Variants in NAA60 observed in about 807,000 individuals in gnomAD.
NAA60 encodes N-alpha-acetyltransferase 60, NatF catalytic subunit.
In NAA60, 8 loss-of-function variants were observed where a neutral mutation model predicts 26.1. The ratio of observed to expected loss-of-function variants is 0.31; its 90% CI spans 0.18 to 0.55. The LOEUF (loss-of-function observed/expected upper bound fraction) is 0.55. Among genes scored for constraint, NAA60 ranks in the 20% least tolerant of loss-of-function variants. The pLI is 0.93. For missense variants in NAA60, 290 were observed against 311.3 expected (o/e 0.93, Z 0.51); for synonymous variants, 131 against 122.5 (o/e 1.07, Z -0.46).
chr16:3,444,004 A>T, intron 1 of NAA60, 167 bp downstream of exon 1: 1 of 1,311,252 alleles, frequency 7.6e-7, no homozygotes, highest in Non-Finnish European at 9.9e-7. Flanking sequence ...GTACGTTCAC[A>T]ACGTTCACAT....
chr16:3,457,651 T>C (rs1299254597), intron 2 of NAA60, among the ~76,000 whole-genome samples: 1 of 152,200 alleles, frequency 6.6e-6, no homozygotes. Flanking sequence ...CTTTCAGTTG[T>C]TGGCCAGCCC....
chr16:3,475,143 G>A (rs1204592802), intron 2 of NAA60, among the ~76,000 whole-genome samples: 2 of 148,086 alleles, frequency 1.4e-5, no homozygotes, highest in African/African-American at 5.0e-5. Flanking sequence ...AGGCTGGAGT[G>A]CAGTGGCGCA....
chr16:3,484,091 T>G (rs1435240104), intron 6 of NAA60, among the ~76,000 whole-genome samples: 2 of 152,234 alleles, frequency 1.3e-5, no homozygotes, highest in Non-Finnish European at 2.9e-5. Context: ...TTCTTCCTCC[T>G]TAACTTTCAC....
intron 2 of NAA60, among the ~76,000 whole-genome samples, chr16:3,461,189 T>C (rs915505540): frequency 1.3e-5 from 2 of 152,194 alleles, no homozygotes; most frequent in African/African-American, 4.8e-5. Context: ...CAAACGGGCA[T>C]ATAATAGGAT....
In NAA60 at chr16:3,473,545, A is replaced by G. The variant is rs564494419; in HGVS notation, c.-6-2677A>G. On this transcript the variant is annotated intron_variant, in intron 2 of 7. Transcript: ENST00000407558. ...ACATGTGGGAATTTTGGGAGCTACA[A>G]TTCAAGATGAGATTTGGGGAGGGAC... Among the ~76,000 whole-genome samples, 4 of 152,262 alleles carry G rather than the reference A, an allele frequency of 2.6e-5. No homozygotes were observed. The South Asian group carries it at 6.2e-4, about 24-fold the overall frequency.
At chr16:3,456,498 G>C (rs1308624323) in intron 2 of NAA60, among the ~76,000 whole-genome samples, 2 of 151,482 alleles carry the variant, frequency 1.3e-5, no homozygotes, top group Non-Finnish European at 2.9e-5. Context: ...CTCAATTTTT[G>C]AAAGAATAAT....
intron 6 of NAA60, 151 bp from the exon 7 acceptor site, chr16:3,484,548 C>A (rs997299036): frequency 2.0e-6 from 2 of 1,023,558 alleles, no homozygotes; most frequent in Admixed American, 2.5e-5. Flanking sequence ...ATGAGCCTTT[C>A]CAGCTCTGCA....
At chr16:3,469,498 CTT>C (rs2035986877) in intron 2 of NAA60, among the ~76,000 whole-genome samples, 1 of 144,776 alleles carries the variant, frequency 6.9e-6, no homozygotes, top group African/African-American at 2.5e-5. Flanking sequence ...CTGTCTCTGA[CTT>C]TGCCTTGCTG....
At chr16:3,476,049 A>T in intron 2 of NAA60, 173 bp from the exon 3 acceptor site, 1 of 577,706 alleles carries the variant, frequency 1.7e-6, no homozygotes, top group Non-Finnish European at 3.1e-6. Flanking sequence ...GATGGGGGCG[A>T]CTGCAGCGCC....
intron 2 of NAA60, among the ~76,000 whole-genome samples, chr16:3,461,867 C>G (rs925006726): frequency 6.6e-6 from 1 of 152,040 alleles, no homozygotes; most frequent in Non-Finnish European, 1.5e-5. Flanking sequence ...GTGGGCAGAT[C>G]GCTTGAGCTC....
chr16:3,466,344 C>A (rs1317185305), intron 2 of NAA60, among the ~76,000 whole-genome samples: 1 of 152,198 alleles, frequency 6.6e-6, no homozygotes, highest in East Asian at 1.9e-4. Flanking sequence ...TGTCACCCGG[C>A]AAATGATTCA....
chr16:3,484,133 A>T (rs1205706177), intron 6 of NAA60, among the ~76,000 whole-genome samples: 1 of 152,200 alleles, frequency 6.6e-6, no homozygotes. Context: ...GAAGCCAGGA[A>T]ACTTTATAAT....
chr16:3,482,639 C>A, intron 5 of NAA60, 41 bp downstream of exon 5: 1 of 1,451,886 alleles, frequency 6.9e-7, no homozygotes, highest in Non-Finnish European at 9.4e-7. Flanking sequence ...CCACCCCACC[C>A]CCTTGCCCTA....
At chr16:3,478,257 T>C (rs922653913) in intron 3 of NAA60, among the ~76,000 whole-genome samples, 2 of 152,026 alleles carry the variant, frequency 1.3e-5, no homozygotes, top group Non-Finnish European at 2.9e-5. Flanking sequence ...AAAAACGTGT[T>C]CTTCAGCCCA....
intron 3 of NAA60, among the ~76,000 whole-genome samples, chr16:3,477,441 G>T (rs757446644): frequency 6.6e-6 from 1 of 152,178 alleles, no homozygotes; most frequent in East Asian, 1.9e-4. Flanking sequence ...ACCCCTGTGC[G>T]TCTTTGTGGA....
intron 2 of NAA60, among the ~76,000 whole-genome samples, chr16:3,470,892 C>T (rs985522625): frequency 2.6e-5 from 4 of 152,210 alleles, no homozygotes; most frequent in Admixed American, 6.5e-5. Flanking sequence ...CTTCTCTGCC[C>T]CTCAGTTGGG....
chr16:3,482,067 G>C (rs1486725836), intron 4 of NAA60, among the ~76,000 whole-genome samples: 1 of 152,182 alleles, frequency 6.6e-6, no homozygotes, highest in African/African-American at 2.4e-5. Context: ...ACCTGGGGCA[G>C]CGTGCGATTC....
intron 2 of NAA60, among the ~76,000 whole-genome samples, chr16:3,463,551 TA>T (rs71133639): frequency 0.73 from 83,522 of 113,750 alleles, 30,449 homozygotes; most frequent in East Asian, 0.85. Flanking sequence ...GACCCTGTGT[TA>T]AAAAAAAAAA....
At chr16:3,477,050 G>A (rs250627) in intron 3 of NAA60, among the ~76,000 whole-genome samples, 54,499 of 150,936 alleles carry the variant, frequency 0.36, 10,477 homozygotes, top group African/African-American at 0.51. Context: ...TCAAAAAAAA[G>A]AAAGAAAGAT....
Sources: allele counts gnomAD v4.1 joint callset (sites outside exome capture counted in the v4.1 genomes callset), GRCh38; gene constraint gnomAD v4.1.1; transcripts MANE v1.5; gene names NCBI Gene and HGNC (gene_info 2026-07-23, HGNC 2026-07-21).